The following CA10 variants were observed in gnomAD, a reference collection of about 807,000 sequenced individuals.
CA10 encodes the protein carbonic anhydrase 10 (inactive).
CA10 carries 14 observed loss-of-function variants against 44.2 expected under a neutral mutation model. That is an observed-to-expected ratio of 0.32 (90% confidence interval 0.21 to 0.50). The LOEUF (loss-of-function observed/expected upper bound fraction) is 0.50. Ranked by LOEUF, CA10 falls within the 20% of genes least tolerant of loss-of-function variation. The probability of loss-of-function intolerance (pLI) is 0.99; values close to 1 mark genes in which losing one functional copy is unlikely to be tolerated. For synonymous variants in CA10, 159 were observed against 141.6 expected, an observed-to-expected ratio of 1.12 and a Z score of -0.87; for missense variants, 350 against 409.7, an observed-to-expected ratio of 0.85 and a Z score of 1.26.
chr17:51,911,387 T>C (rs1363171881), intron 3 of CA10, among the ~76,000 whole-genome samples: 1 of 152,204 alleles, frequency 6.6e-6, no homozygotes, highest in East Asian at 1.9e-4. Context: ...AGAATGCTCT[T>C]GGATATTATT....
At chr17:52,097,230 C>T (rs1252149067) in intron 1 of CA10, among the ~76,000 whole-genome samples, 2 of 152,060 alleles carry the variant, frequency 1.3e-5, no homozygotes, top group Non-Finnish European at 2.9e-5. Context: ...CATCTTTTGG[C>T]CACAGTTGGT....
chr17:51,908,655 G>T (rs1335355498), intron 3 of CA10, among the ~76,000 whole-genome samples: 4 of 152,146 alleles, frequency 2.6e-5, no homozygotes, highest in Non-Finnish European at 1.5e-5. Flanking sequence ...AATAGGAATA[G>T]CTAAGTATAC....
intron 2 of CA10, among the ~76,000 whole-genome samples, chr17:51,950,223 A>G (rs1301000483): frequency 4.6e-5 from 7 of 152,096 alleles, no homozygotes. Flanking sequence ...CAATCTCAGA[A>G]GGGCTTCTCT....
intron 3 of CA10, among the ~76,000 whole-genome samples, chr17:51,792,885 G>T (rs1426786830): frequency 6.6e-6 from 1 of 152,158 alleles, no homozygotes; most frequent in Non-Finnish European, 1.5e-5. Context: ...AGACTATACG[G>T]TATATATTAT....
At chr17:51,876,861 G>C (rs967792314) in intron 3 of CA10, among the ~76,000 whole-genome samples, 2 of 152,140 alleles carry the variant, frequency 1.3e-5, no homozygotes, top group African/African-American at 4.8e-5. Context: ...AGCTCCAATT[G>C]TTCTGTATCT....
intron 3 of CA10, among the ~76,000 whole-genome samples, chr17:51,797,200 A>T (rs1203621422): frequency 6.6e-6 from 1 of 152,238 alleles, no homozygotes; most frequent in Non-Finnish European, 1.5e-5. Context: ...CAACTTGGAC[A>T]TGAAATAGGC....
intron 1 of CA10, among the ~76,000 whole-genome samples, chr17:52,148,745 G>A (rs1321127122): frequency 1.3e-5 from 2 of 152,100 alleles, no homozygotes; most frequent in African/African-American, 4.8e-5. Context: ...CCAGGCACTG[G>A]GTTGGGTAAT....
chr17:51,879,987 T>C (rs1407686444), intron 3 of CA10, among the ~76,000 whole-genome samples: 1 of 152,204 alleles, frequency 6.6e-6, no homozygotes. Flanking sequence ...CTAGACATAA[T>C]GAACAATTTG....
At chr17:51,718,500 C>T (rs933220948) in intron 4 of CA10, among the ~76,000 whole-genome samples, 2 of 152,126 alleles carry the variant, frequency 1.3e-5, no homozygotes, top group African/African-American at 4.8e-5. Context: ...GCTCCTCAAC[C>T]CTTCCCCATA....
intron 4 of CA10, among the ~76,000 whole-genome samples, chr17:51,692,779 A>G (rs891866587): frequency 2.0e-5 from 3 of 152,242 alleles, no homozygotes; most frequent in African/African-American, 7.2e-5. Context: ...TTTCATGTGG[A>G]AATAAGTTTT....
At chr17:52,078,854 T>G (rs1245033182) in intron 1 of CA10, among the ~76,000 whole-genome samples, 2 of 152,220 alleles carry the variant, frequency 1.3e-5, no homozygotes, top group Non-Finnish European at 2.9e-5. Flanking sequence ...GGAAGGTATT[T>G]TTCTTCTGTG....
At chr17:51,962,706 G>A (rs912989008) in intron 2 of CA10, among the ~76,000 whole-genome samples, 1 of 152,132 alleles carries the variant, frequency 6.6e-6, no homozygotes, top group Non-Finnish European at 1.5e-5. Context: ...CAGGGAGTGG[G>A]GGGAAAGAGA....
At chr17:51,904,987 T>C (rs1166748939) in intron 3 of CA10, among the ~76,000 whole-genome samples, 1 of 152,150 alleles carries the variant, frequency 6.6e-6, no homozygotes, top group Non-Finnish European at 1.5e-5. Context: ...AAATACTATT[T>C]ACATGTTCCC....
chr17:51,800,782 G>A (rs574425854), intron 3 of CA10, among the ~76,000 whole-genome samples: 1 of 152,324 alleles, frequency 6.6e-6, no homozygotes, highest in South Asian at 2.1e-4. Flanking sequence ...AGCATCTGAA[G>A]TTAAATCTAT....
intron 3 of CA10, among the ~76,000 whole-genome samples, chr17:51,792,131 T>C (rs948604848): frequency 1.3e-5 from 2 of 152,148 alleles, no homozygotes; most frequent in Non-Finnish European, 2.9e-5. Flanking sequence ...CTATCACAGG[T>C]AATTCTCATA....
intron 3 of CA10, among the ~76,000 whole-genome samples, chr17:51,760,894 TATA>T (rs1485091613): frequency 6.6e-6 from 1 of 152,236 alleles, no homozygotes; most frequent in East Asian, 1.9e-4. Context: ...ATGTAATCGA[TATA>T]ATAATTATGA....
At chr17:52,033,680 C>A (rs566341388) in intron 2 of CA10, among the ~76,000 whole-genome samples, 2 of 152,044 alleles carry the variant, frequency 1.3e-5, no homozygotes, top group South Asian at 4.2e-4. Flanking sequence ...CTATAAGATA[C>A]CATAACAATA....
Position 52,158,156 on chromosome 17 carries a change from C to G in CA10, c.-370G>C. On this transcript the variant is annotated 5_prime_UTR_variant, in exon 1 of 9. Coordinates refer to ENST00000451037, the MANE Select transcript of CA10 (RefSeq NM_020178.5). ...CACCTGAAGCCACCAACACTGGGCT[C>G]TTCCAGCAAAAACGAGACCCCGATT... The G allele has an allele frequency of 2.7e-6, 1 of 366,716 alleles. No homozygotes were observed. The highest frequency in any genetic ancestry group is 4.3e-5 in the Admixed American group (1 of 23,382). 22.7% of individuals were successfully genotyped at this position (366,716 alleles called of 1,614,324 possible). A position where few individuals can be genotyped will look rare whatever the true frequency, so the allele number is the denominator to read the frequency against.
At chr17:52,095,632 T>A (rs571622077) in intron 1 of CA10, among the ~76,000 whole-genome samples, 2 of 152,320 alleles carry the variant, frequency 1.3e-5, no homozygotes, top group Admixed American at 1.3e-4. Context: ...CCTGACACTC[T>A]GGTAAGATTC....
Sources: gnomAD v4.1 joint callset for allele counts (sites outside exome capture counted in the v4.1 genomes callset) on GRCh38, gnomAD v4.1.1 for gene constraint, MANE v1.5 for transcripts, NCBI Gene and HGNC (gene_info 2026-07-23, HGNC 2026-07-21) for gene names.